Variants in ZNF804A observed in about 807,000 individuals in gnomAD.
ZNF804A encodes zinc finger protein 804A.
A neutral mutation model predicts 16.5 loss-of-function variants in ZNF804A; 2 were observed. That is an observed-to-expected ratio of 0.12 (90% CI 0.05 to 0.38). The LOEUF is 0.38. ZNF804A is among the 10% of genes least tolerant of loss of function. The pLI is 0.99. For synonymous variants in ZNF804A, 534 were observed against 489.6 expected (o/e 1.09, Z -1.20); for missense variants, 1,473 against 1,390.7 (o/e 1.06, Z -0.94).
intron 1 of ZNF804A, among the ~76,000 whole-genome samples, chr2:184,768,043 C>T (rs1323102005): frequency 6.6e-6 from 1 of 152,038 alleles, no homozygotes; most frequent in Non-Finnish European, 1.5e-5. Context: ...ACAGTTGGTG[C>T]TCCGTATCTA....
chr2:184,907,012 C>T (rs1233001910), intron 2 of ZNF804A, among the ~76,000 whole-genome samples: 1 of 152,120 alleles, frequency 6.6e-6, no homozygotes. Context: ...GTATCTCAGA[C>T]CTCCAGCCAT....
intron 1 of ZNF804A, among the ~76,000 whole-genome samples, chr2:184,665,202 G>A (rs1017472173): frequency 4.6e-5 from 7 of 152,082 alleles, no homozygotes; most frequent in African/African-American, 1.4e-4. Context: ...CTTTTTAAAA[G>A]GTAGTACTAG....
intron 1 of ZNF804A, among the ~76,000 whole-genome samples, chr2:184,829,437 A>G (rs2105794726): frequency 6.6e-6 from 1 of 151,912 alleles, no homozygotes; most frequent in Non-Finnish European, 1.5e-5. Context: ...AAGAATTGCT[A>G]TTTTTTTATT....
chr2:184,822,961 C>T (rs1574228682), intron 1 of ZNF804A, among the ~76,000 whole-genome samples: 1 of 151,890 alleles, frequency 6.6e-6, no homozygotes, highest in African/African-American at 2.4e-5. Flanking sequence ...CTGAATTGTA[C>T]CTGTGTTTCA....
chr2:184,629,026 T>A (rs949307686), intron 1 of ZNF804A, among the ~76,000 whole-genome samples: 1 of 152,300 alleles, frequency 6.6e-6, no homozygotes, highest in Admixed American at 6.5e-5. Context: ...TTCACTTTTA[T>A]TGAATATTTT....
chr2:184,835,992 T>C (rs1446367930), intron 1 of ZNF804A, among the ~76,000 whole-genome samples: 1 of 152,090 alleles, frequency 6.6e-6, no homozygotes, highest in African/African-American at 2.4e-5. Context: ...TTGAATAGAC[T>C]CATGCAGGCA....
At position 184,803,623 on chromosome 2, in the gene ZNF804A, G is replaced by A. The variant is rs1694757879; in HGVS notation, c.112-62746G>A. Among the ~76,000 whole-genome samples, 3 of 152,272 alleles carry A rather than the reference G, an allele frequency of 2.0e-5. No individual in the cohort carries two copies. In the South Asian group the frequency reaches 6.2e-4, roughly 32 times the overall value. Reference sequence around the variant, plus strand: ...ACATTTATTTACAGATTGTGGGCATGAAATTGTATTAATTTCCCAGCACTA... The same window carrying A: ...ACATTTATTTACAGATTGTGGGCATAAAATTGTATTAATTTCCCAGCACTA... On this transcript the variant is annotated intron_variant, in intron 1 of 3. Coordinates refer to ENST00000302277, the MANE Select transcript of ZNF804A (RefSeq NM_194250.2).
rs536604122 is a variant in ZNF804A, at chr2:184,857,933, A to AAATT, written c.112-8427_112-8424dup. On this transcript the variant is annotated intron_variant, in intron 1 of 3. Transcript: ENST00000302277. ...AGCCACTCTATATTTTTGATTGGACAAATTAATTAATTTATATTCAAGGTA... is the reference window on the plus strand; with the variant it reads ...AGCCACTCTATATTTTTGATTGGACAAATTAATTAATTAATTTATATTCAAGGTA... Among the ~76,000 whole-genome samples the AAATT allele has an allele frequency of 1.9e-3, 291 of 152,244 alleles. 1 individual carries two copies. The highest frequency in any genetic ancestry group is 0.014 in the Middle Eastern group (4 of 294).
intron 1 of ZNF804A, among the ~76,000 whole-genome samples, chr2:184,850,923 A>G (rs1020311370): frequency 2.0e-5 from 3 of 151,790 alleles, no homozygotes; most frequent in African/African-American, 4.8e-5. Context: ...TTAGCTTGGT[A>G]TGAGCTACAA....
At chr2:184,869,221 C>A (rs538016732) in intron 2 of ZNF804A, among the ~76,000 whole-genome samples, 1 of 151,988 alleles carries the variant, frequency 6.6e-6, no homozygotes, top group Non-Finnish European at 1.5e-5. Context: ...ATCCATTTGG[C>A]CTTCAAATTC....
chr2:184,693,101 A>T (rs572383761), intron 1 of ZNF804A, among the ~76,000 whole-genome samples: 1 of 152,280 alleles, frequency 6.6e-6, no homozygotes, highest in South Asian at 2.1e-4. Flanking sequence ...GAAATCATTC[A>T]TTGTGGGGTT....
chr2:184,802,880 G>A (rs887944794), intron 1 of ZNF804A, among the ~76,000 whole-genome samples: 1 of 152,048 alleles, frequency 6.6e-6, no homozygotes, highest in Admixed American at 6.5e-5. Context: ...GATGAACTTT[G>A]TACTCAGACT....
intron 1 of ZNF804A, among the ~76,000 whole-genome samples, chr2:184,795,235 T>C (rs1488562586): frequency 1.3e-5 from 2 of 152,086 alleles, no homozygotes; most frequent in Non-Finnish European, 2.9e-5. Flanking sequence ...CAGACGACAG[T>C]GGAATAAAAC....
In ZNF804A at chr2:184,644,803, G is replaced by A. The variant is rs372918564; in HGVS notation, c.111+45733G>A. On this transcript the variant is annotated intron_variant, in intron 1 of 3. Transcript: ENST00000302277. ...TTTAAGAATTATCAAAAGAGACCAT[G>A]TTAAGGAAACATTTTAGATAAATAT... 7.9e-5 allele frequency among the ~76,000 whole-genome samples: 12 copies of A among 152,122 alleles called. No individual in the cohort carries two copies. In the East Asian group the frequency reaches 1.2e-3, roughly 15 times the overall value.
intron 1 of ZNF804A, among the ~76,000 whole-genome samples, chr2:184,812,484 A>G (rs989370676): frequency 2.6e-5 from 4 of 152,322 alleles, no homozygotes; most frequent in Admixed American, 1.3e-4. Context: ...CTTCTCTGAC[A>G]GCTCTCTGTG....
intron 2 of ZNF804A, among the ~76,000 whole-genome samples, chr2:184,876,715 C>T (rs1407069786): frequency 4.6e-5 from 7 of 152,142 alleles, no homozygotes; most frequent in Admixed American, 3.9e-4. Flanking sequence ...TTGCCATTTT[C>T]GTACACCTTC....
At position 184,938,976 on chromosome 2, in the gene ZNF804A, T is replaced by A. The variant is rs1398787347; in HGVS notation, c.3580T>A (p.Ser1194Thr). ...ATCTTTACCCCATGCACTCTTTCCT[T>A]CACTGCTTTCCCCACACCCTACTGT... is the stretch of plus-strand genomic sequence containing the variant. ...FPSLPHALFPSLLSPHPTVIP... is the reference protein window; with the variant it reads ...FPSLPHALFPTLLSPHPTVIP... Residue 1194 changes from serine (S) to threonine (T), a missense_variant, in exon 4 of 4, where the codon TCA becomes ACA. Ser to Thr is a moderately conservative substitution (Grantham distance 58). Transcript: ENST00000302277. 1.2e-6 allele frequency: 2 copies of A among 1,613,962 alleles called. No homozygotes were observed. The highest frequency in any genetic ancestry group is 2.2e-5 in the South Asian group (2 of 91,056).
intron 1 of ZNF804A, among the ~76,000 whole-genome samples, chr2:184,816,986 T>A (rs7608386): frequency 0.33 from 50,681 of 151,884 alleles, 11,834 homozygotes; most frequent in African/African-American, 0.67. Flanking sequence ...GCCATTTAAA[T>A]TTTTAGCAGA....
intron 1 of ZNF804A, among the ~76,000 whole-genome samples, chr2:184,789,762 C>A (rs1209524677): frequency 6.6e-6 from 1 of 151,924 alleles, no homozygotes; most frequent in African/African-American, 2.4e-5. Context: ...TTTTGTTTAT[C>A]CTTTCAAGAA....
Sources: gnomAD v4.1 joint callset for allele counts (sites outside exome capture counted in the v4.1 genomes callset) on GRCh38, gnomAD v4.1.1 for gene constraint, MANE v1.5 for transcripts, NCBI Gene and HGNC (gene_info 2026-07-23, HGNC 2026-07-21) for gene names.